The following TENM3 variants were observed in gnomAD, a reference collection of about 807,000 sequenced individuals.
The protein encoded by TENM3 is teneurin-3.
TENM3 carries 63 observed loss-of-function variants against 255.1 expected under a neutral mutation model. The observed-to-expected ratio is 0.25, with a 90% confidence interval of 0.20 to 0.30. TENM3 has a LOEUF of 0.30. Among genes scored for constraint, TENM3 ranks in the 10% least tolerant of loss-of-function variants. TENM3 has a pLI of 1.00. For synonymous variants in TENM3, 1,306 were observed against 1,322.3 expected, an observed-to-expected ratio of 0.99 and a Z score of 0.27; for missense variants, 2,929 against 3,461.1, an observed-to-expected ratio of 0.85 and a Z score of 3.86.
intron 4 of TENM3, 53 bp from the exon 5 acceptor site, chr4:182,628,598 C>G (rs1486903208): frequency 5.7e-6 from 7 of 1,217,718 alleles, no homozygotes; most frequent in South Asian, 1.3e-5. Context: ...TGTCTCTTGT[C>G]TCTTGTATCG....
intron 5 of TENM3, among the ~76,000 whole-genome samples, chr4:182,634,097 C>A (rs954571629): frequency 6.6e-6 from 1 of 152,098 alleles, no homozygotes; most frequent in African/African-American, 2.4e-5. Context: ...TAGCACAGGT[C>A]TAGGAAATGC....
chr4:182,032,948 TCTAG>T, the TENM3 span, among the ~76,000 whole-genome samples: 6 of 152,062 alleles, frequency 3.9e-5, no homozygotes, highest in Admixed American at 3.9e-4. Flanking sequence ...TCTTTATTAG[TCTAG>T]CTAGAGTTCT....
At chr4:182,755,820 C>T (rs1028132542) in intron 22 of TENM3, among the ~76,000 whole-genome samples, 4 of 151,610 alleles carry the variant, frequency 2.6e-5, no homozygotes, top group South Asian at 4.2e-4. Flanking sequence ...AGTCTCTGGG[C>T]GACAGAGCGA....
At chr4:182,128,424 C>T in the TENM3 span, among the ~76,000 whole-genome samples, 4 of 152,042 alleles carry the variant, frequency 2.6e-5, no homozygotes. Flanking sequence ...GTGATCCTCC[C>T]ACTACAGCTT....
At chr4:181,495,902 T>TAAA in the TENM3 span, among the ~76,000 whole-genome samples, 27,965 of 116,134 alleles carry the variant, frequency 0.24, 3,271 homozygotes, top group Middle Eastern at 0.28. Flanking sequence ...AGAGACAAAT[T>TAAA]AAAAAAAAAA....
the TENM3 span, among the ~76,000 whole-genome samples, chr4:181,544,408 TAA>T: frequency 0.075 from 5,139 of 68,198 alleles, 184 homozygotes; most frequent in African/African-American, 0.11. Context: ...CCTTCAGGAT[TAA>T]AAAAAAAAAA....
At chr4:181,459,780 A>G in the TENM3 span, among the ~76,000 whole-genome samples, 1 of 151,944 alleles carries the variant, frequency 6.6e-6, no homozygotes, top group African/African-American at 2.4e-5. Context: ...TTCCTTTGAA[A>G]ATTACTTTGA....
intron 1 of TENM3, among the ~76,000 whole-genome samples, chr4:182,187,996 T>C (rs1033652498): frequency 9.2e-5 from 14 of 152,260 alleles, no homozygotes; most frequent in African/African-American, 3.4e-4. Flanking sequence ...TAAGCTTAGG[T>C]TTCCAAGACC....
the TENM3 span, among the ~76,000 whole-genome samples, chr4:181,633,528 A>G: frequency 6.6e-6 from 1 of 152,208 alleles, no homozygotes; most frequent in Non-Finnish European, 1.5e-5. Flanking sequence ...GCTTTTCCAG[A>G]GAATATTCTA....
At chr4:181,819,754 C>T in the TENM3 span, among the ~76,000 whole-genome samples, 105 of 152,284 alleles carry the variant, frequency 6.9e-4, no homozygotes, top group African/African-American at 2.1e-3. Flanking sequence ...TCTAATGCCA[C>T]GGCTAATCTG....
At chr4:181,961,313 T>C in the TENM3 span, among the ~76,000 whole-genome samples, 36 of 152,224 alleles carry the variant, frequency 2.4e-4, no homozygotes, top group Non-Finnish European at 8.8e-5. Context: ...TTTTATTATT[T>C]CATCATTTAA....
At chr4:181,973,086 T>C in the TENM3 span, among the ~76,000 whole-genome samples, 2 of 152,254 alleles carry the variant, frequency 1.3e-5, no homozygotes, top group South Asian at 2.1e-4. Context: ...CTTTTATATG[T>C]TATAATATTG....
intron 4 of TENM3, among the ~76,000 whole-genome samples, chr4:182,602,593 G>C (rs1748005342): frequency 6.6e-6 from 1 of 152,176 alleles, no homozygotes; most frequent in Non-Finnish European, 1.5e-5. Flanking sequence ...TCAGCCACGA[G>C]TAGTTGAGTT....
chr4:182,235,080 C>G (rs1756811997), intron 1 of TENM3, among the ~76,000 whole-genome samples: 1 of 152,158 alleles, frequency 6.6e-6, no homozygotes, highest in Non-Finnish European at 1.5e-5. Flanking sequence ...AAAACCACTC[C>G]TCAGTATTCC....
intron 12 of TENM3, among the ~76,000 whole-genome samples, chr4:182,694,337 C>G (rs1757227201): frequency 6.6e-6 from 1 of 152,026 alleles, no homozygotes; most frequent in Non-Finnish European, 1.5e-5. Context: ...TGGTCTCACA[C>G]TCCAGGACGC....
intron 3 of TENM3, among the ~76,000 whole-genome samples, chr4:182,543,086 T>G (rs1410682323): frequency 6.6e-6 from 1 of 152,186 alleles, no homozygotes; most frequent in Non-Finnish European, 1.5e-5. Flanking sequence ...TTGACCTATA[T>G]CTTTCCTACT....
At chr4:182,072,730 C>A in the TENM3 span, among the ~76,000 whole-genome samples, 2 of 152,226 alleles carry the variant, frequency 1.3e-5, no homozygotes, top group South Asian at 4.2e-4. Context: ...CTGGGTAGGG[C>A]TTTGCAATGG....
intron 24 of TENM3, among the ~76,000 whole-genome samples, chr4:182,778,056 T>G (rs1359768945): frequency 6.6e-6 from 1 of 152,064 alleles, no homozygotes; most frequent in Non-Finnish European, 1.5e-5. Flanking sequence ...ATTCTGTACT[T>G]ACTTGTTTGC....
At chr4:182,753,381 TGG>T in intron 20 of TENM3, 67 bp from the exon 21 acceptor site, 1 of 1,327,308 alleles carries the variant, frequency 7.5e-7, no homozygotes, top group African/African-American at 1.4e-5. Context: ...AGTTTAATAA[TGG>T]GCCTAATAGT....
Sources: gnomAD v4.1 joint callset for allele counts (sites outside exome capture counted in the v4.1 genomes callset) on GRCh38, gnomAD v4.1.1 for gene constraint, MANE v1.5 for transcripts, NCBI Gene and HGNC (gene_info 2026-07-23, HGNC 2026-07-21) for gene names.